Variants in CABIN1 observed in about 807,000 individuals in gnomAD.
CABIN1 encodes calcineurin binding protein 1, also known as calcineurin-binding protein cabin-1.
CABIN1 carries 133 observed loss-of-function variants against 227.7 expected under a neutral mutation model. The observed-to-expected ratio is 0.58, with a 90% CI of 0.51 to 0.67. The LOEUF (loss-of-function observed/expected upper bound fraction) is 0.67. Ranked by LOEUF, CABIN1 falls within the 30% of genes least tolerant of loss-of-function variation. CABIN1 has a pLI of 0.00. For missense variants in CABIN1, 2,408 were observed against 2,852.5 expected (o/e 0.84, Z 3.55); for synonymous variants, 1,086 against 1,155.1 (o/e 0.94, Z 1.21).
intron 29 of CABIN1, among the ~76,000 whole-genome samples, chr22:24,148,781 C>T (rs907449709): frequency 6.6e-6 from 1 of 152,244 alleles, no homozygotes; most frequent in Non-Finnish European, 1.5e-5. Flanking sequence ...CCCACCCGCT[C>T]AGGCTGCACC....
In CABIN1 at chr22:24,090,027, G is replaced by A. The variant is rs138250649; in HGVS notation, c.3526-1556G>A. ...AGGTGCCTATTCTGCTCTGAGGATG[G>A]CAAGGTAGTGAGATGGTGTCTAGTA... On this transcript the variant is annotated intron_variant, in intron 23 of 36. Transcript: ENST00000263119. Among the ~76,000 whole-genome samples, 40 of 152,296 alleles carry A rather than the reference G, an allele frequency of 2.6e-4. No homozygotes were observed. In the East Asian group the frequency reaches 7.5e-3, roughly 29 times the overall value.
chr22:24,086,867 G>A (rs1569191694), intron 22 of CABIN1, among the ~76,000 whole-genome samples: 1 of 152,202 alleles, frequency 6.6e-6, no homozygotes, highest in South Asian at 2.1e-4. Flanking sequence ...TGAGCTGGAA[G>A]GGGCAGGATC....
At chr22:24,019,722 A>G (rs1209759445) in intron 1 of CABIN1, among the ~76,000 whole-genome samples, 2 of 136,986 alleles carry the variant, frequency 1.5e-5, no homozygotes, top group African/African-American at 2.9e-5. Context: ...CAATGGTGCA[A>G]TCTTAGCTCA....
chr22:24,133,940 A>G (rs145371794), intron 28 of CABIN1, among the ~76,000 whole-genome samples: 144 of 152,314 alleles, frequency 9.5e-4, no homozygotes, highest in African/African-American at 3.3e-3. Context: ...TTCCTGACAA[A>G]TAAGTCAGGG....
In CABIN1 at chr22:24,171,774, C is replaced by A. The variant is rs374113751; in HGVS notation, c.5819C>A (p.Pro1940His). The A allele has an allele frequency of 7.7e-5, 124 of 1,614,064 alleles. No homozygotes were observed. The highest frequency in any genetic ancestry group is 3.3e-4 in the Middle Eastern group (2 of 6,084). ...HPKDSRENFFPVTVVPTAPDP... is the reference protein window; with the variant it reads ...HPKDSRENFFHVTVVPTAPDP... ...AAAGACAGCCGAGAGAACTTCTTTC[C>A]TGTGACAGTGGTGCCCACAGCCCCT... The change falls in exon 34 of 37, where the codon CCT becomes CAT. Residue 1940 changes from proline (P) to histidine (H), a missense_variant. Transcript: ENST00000263119.
At position 24,119,697 on chromosome 22, in the gene CABIN1, G is replaced by A. The variant is rs757026602; in HGVS notation, c.4631G>A (p.Arg1544Gln). 36 of 1,613,674 alleles carry A rather than the reference G, an allele frequency of 2.2e-5. No individual in the cohort carries two copies. Among genetic ancestry groups the A allele is most frequent in the African/African-American group, 5.3e-5 (4 of 74,942 alleles). The change falls in exon 28 of 37, where the codon CGG (arginine) becomes CAG (glutamine). Residue 1544 changes from arginine (R) to glutamine (Q), a missense_variant and splice_region_variant. This residue lies in a region of CABIN1 where 649 missense variants were observed against 910.3 expected (regional missense o/e 0.71). Coordinates refer to ENST00000263119, the MANE Select transcript of CABIN1 (RefSeq NM_012295.4). The part of the protein sequence containing the change: ...AFLYTYSKTH[R>Q]NLQWARDVLL... Reference sequence around the variant, plus strand: ...CTCTACACCTACAGCAAGACCCACCGGGTGAGTGGCTGCCGGGCCAAGGGG... The same window carrying A: ...CTCTACACCTACAGCAAGACCCACCAGGTGAGTGGCTGCCGGGCCAAGGGG...
chr22:24,093,365 A>G (rs1158225724), intron 24 of CABIN1, among the ~76,000 whole-genome samples: 1 of 151,432 alleles, frequency 6.6e-6, no homozygotes, highest in African/African-American at 2.4e-5. Context: ...AGCCTGACCA[A>G]TATGGTGAAA....
At chr22:24,088,649 T>C (rs1162386902) in intron 23 of CABIN1, among the ~76,000 whole-genome samples, 1 of 152,066 alleles carries the variant, frequency 6.6e-6, no homozygotes, top group Non-Finnish European at 1.5e-5. Flanking sequence ...GGACACAGGC[T>C]TCTCTAAATC....
intron 26 of CABIN1, among the ~76,000 whole-genome samples, chr22:24,104,720 G>A (rs2042414779): frequency 1.3e-5 from 2 of 152,218 alleles, no homozygotes; most frequent in South Asian, 2.1e-4. Context: ...CTTGCTTCTG[G>A]TGGACGTGTT....
intron 22 of CABIN1, among the ~76,000 whole-genome samples, chr22:24,086,955 G>T (rs1197782176): frequency 1.3e-5 from 2 of 152,180 alleles, no homozygotes; most frequent in Non-Finnish European, 2.9e-5. Flanking sequence ...CATGATTCTG[G>T]TTGGCAAATG....
At chr22:24,134,541 G>A (rs1335318878) in intron 29 of CABIN1, 126 bp downstream of exon 29, 2 of 746,248 alleles carry the variant, frequency 2.7e-6, no homozygotes, top group African/African-American at 3.5e-5. Context: ...TCAGAGGGCA[G>A]GCAGGGTGGT....
chr22:24,076,325 C>T, intron 19 of CABIN1, 41 bp downstream of exon 19: 2 of 1,526,410 alleles, frequency 1.3e-6, no homozygotes, highest in Non-Finnish European at 9.1e-7. Context: ...CAGTGCGGGG[C>T]AGGGCTGGGG....
In CABIN1 at chr22:24,055,026, C is replaced by T. The variant is rs1359882966; in HGVS notation, c.960C>T (p.Asn320=). 2 of 1,614,242 alleles carry T rather than the reference C, an allele frequency of 1.2e-6. No homozygotes were observed. Among genetic ancestry groups the T allele is most frequent in the African/African-American group, 2.7e-5 (2 of 75,064 alleles). The change falls in exon 9 of 37, where the codon AAC becomes AAT. Residue 320 remains asparagine, a synonymous_variant. Coordinates refer to ENST00000263119, the MANE Select transcript of CABIN1 (RefSeq NM_012295.4). The part of the protein sequence containing the change: ...LESSMVVTPV[N]VIQPSTVSTN... ...CCTCCATGGTGGTGACGCCAGTTAA[C>T]GTGATCCAGCCAAGCACTGTCAGCA...
At chr22:24,159,971 T>C (rs867411597) in intron 29 of CABIN1, among the ~76,000 whole-genome samples, 2 of 152,134 alleles carry the variant, frequency 1.3e-5, no homozygotes, top group South Asian at 4.1e-4. Context: ...ATGCTTCCAT[T>C]TCTACATCTG....
At chr22:24,041,085 T>A (rs932916489) in intron 4 of CABIN1, 54 bp from the exon 5 acceptor site, 14 of 1,612,904 alleles carry the variant, frequency 8.7e-6, no homozygotes, top group Admixed American at 3.3e-5. Flanking sequence ...TCCTGCTGGC[T>A]GCTTGCTGAG....
chr22:24,038,464 G>A lies in CABIN1; in HGVS notation c.210+3G>A, dbSNP rs1569105020. ...TGGAGGCGAGCCTGCTGCGGGAGGT[G>A]AGGCATCAGCAGGCCAGGCAGTGTG... On this transcript the variant is annotated splice_donor_region_variant and intron_variant, in intron 4 of 36. Transcript: ENST00000263119. 6.2e-7 allele frequency: 1 copy of A among 1,607,814 alleles called. No homozygotes were observed. The highest frequency in any genetic ancestry group is 8.5e-7 in the Non-Finnish European group (1 of 1,175,058).
intron 8 of CABIN1, among the ~76,000 whole-genome samples, chr22:24,053,235 G>T (rs1165567783): frequency 6.6e-6 from 1 of 150,478 alleles, no homozygotes; most frequent in Non-Finnish European, 1.5e-5. Flanking sequence ...CCACCACCAC[G>T]CCCGGCTAAT....
intron 23 of CABIN1, among the ~76,000 whole-genome samples, chr22:24,088,319 A>T (rs1001958227): frequency 5.3e-5 from 8 of 152,196 alleles, no homozygotes; most frequent in African/African-American, 1.9e-4. Flanking sequence ...CTTTAAAAAA[A>T]TTACTCTTGG....
chr22:24,085,086 CA>C lies in CABIN1; in HGVS notation c.3203del (p.Asn1068ThrfsTer40). The C allele has an allele frequency of 6.2e-7, 1 of 1,614,176 alleles. No individual in the cohort carries two copies. The highest frequency in any genetic ancestry group is 8.5e-7 in the Non-Finnish European group (1 of 1,180,028). On this transcript the variant is annotated frameshift_variant, in exon 22 of 37. Transcript: ENST00000263119. LOFTEE classifies it high-confidence loss of function. ...ACTACCTCCTGGCTGATTATCATTT[CA>C]AAAACAAGGAGCAGTCCAAGGCCAT... ...LYYLLADYHF[K>X]NKEQSKAIKF...
Sources: gnomAD v4.1 joint callset for allele counts (sites outside exome capture counted in the v4.1 genomes callset) on GRCh38, gnomAD v4.1.1 for gene constraint, gnomAD v4.1.1 regional missense constraint, MANE v1.5 for transcripts, NCBI Gene and HGNC (gene_info 2026-07-23, HGNC 2026-07-21) for gene names.